SPMIP3: variants seen among roughly 807,000 people sequenced by gnomAD.
SPMIP3 encodes the protein protein SPMIP3.
the SPMIP3 span, among the ~76,000 whole-genome samples, chr1:244,363,575 G>T: frequency 3.9e-5 from 6 of 152,130 alleles, no homozygotes; most frequent in Non-Finnish European, 7.4e-5. Flanking sequence ...GCCCCCAGGA[G>T]GCATCTAGAA....
chr1:244,384,591 G>A, the SPMIP3 span, among the ~76,000 whole-genome samples: 1 of 152,108 alleles, frequency 6.6e-6, no homozygotes, highest in Non-Finnish European at 1.5e-5. Flanking sequence ...GTTAAATCAG[G>A]ATCTCCGTGT....
At chr1:244,364,655 A>G in the SPMIP3 span, 34 of 1,558,318 alleles carry the variant, frequency 2.2e-5, no homozygotes, top group African/African-American at 3.8e-4. Flanking sequence ...ATAAACTGGC[A>G]ATATAATCCT....
chr1:244,368,016 A>G, the SPMIP3 span, among the ~76,000 whole-genome samples: 1 of 152,090 alleles, frequency 6.6e-6, no homozygotes, highest in Non-Finnish European at 1.5e-5. Flanking sequence ...GCTGGAGTGC[A>G]GTGGTATGAT....
chr1:244,384,597 C>T, the SPMIP3 span, among the ~76,000 whole-genome samples: 2 of 152,132 alleles, frequency 1.3e-5, no homozygotes, highest in Non-Finnish European at 2.9e-5. Flanking sequence ...TCAGGATCTC[C>T]GTGTGGGGCG....
the SPMIP3 span, among the ~76,000 whole-genome samples, chr1:244,381,895 C>T: frequency 1.5e-4 from 23 of 152,326 alleles, no homozygotes; most frequent in Non-Finnish European, 2.6e-4. Flanking sequence ...CATGCCACTG[C>T]GCATGACAGT....
the SPMIP3 span, among the ~76,000 whole-genome samples, chr1:244,353,897 G>C: frequency 2.0e-5 from 3 of 152,124 alleles, no homozygotes; most frequent in East Asian, 5.8e-4. Flanking sequence ...GAGGCAGCTA[G>C]TACAGTCACC....
chr1:244,360,898 C>T, the SPMIP3 span, among the ~76,000 whole-genome samples: 1 of 119,018 alleles, frequency 8.4e-6, no homozygotes, highest in Non-Finnish European at 1.8e-5. Context: ...AAAAAAAAAG[C>T]ATTAAATCCT....
chr1:244,353,412 A>AC, the SPMIP3 span, among the ~76,000 whole-genome samples: 1 of 152,172 alleles, frequency 6.6e-6, no homozygotes, highest in Non-Finnish European at 1.5e-5. Flanking sequence ...AACAACAACA[A>AC]AAAACCCAGA....
chr1:244,380,572 A>G, the SPMIP3 span, among the ~76,000 whole-genome samples: 1 of 152,116 alleles, frequency 6.6e-6, no homozygotes. Context: ...CAGTTTATTA[A>G]CTAGCCCCAG....
chr1:244,357,200 G>A, the SPMIP3 span, among the ~76,000 whole-genome samples: 1 of 123,648 alleles, frequency 8.1e-6, no homozygotes, highest in Non-Finnish European at 1.8e-5. Context: ...GAGATGACAG[G>A]CACGAGCCAC....
the SPMIP3 span, among the ~76,000 whole-genome samples, chr1:244,388,085 G>A: frequency 4.0e-4 from 60 of 151,864 alleles, no homozygotes; most frequent in Non-Finnish European, 7.9e-4. Context: ...CTGCCACCAC[G>A]CCCGGCTAAT....
chr1:244,383,802 C>G, the SPMIP3 span, among the ~76,000 whole-genome samples: 14 of 151,916 alleles, frequency 9.2e-5, no homozygotes, highest in African/African-American at 3.4e-4. Context: ...GAGCAGGGTG[C>G]GGTGGAGGGA....
At chr1:244,378,667 T>G in the SPMIP3 span, 1 of 1,596,138 alleles carries the variant, frequency 6.3e-7, no homozygotes, top group Non-Finnish European at 8.6e-7. Flanking sequence ...CTCTTAACTC[T>G]CTGAGATTAA....
At chr1:244,378,045 G>A in the SPMIP3 span, among the ~76,000 whole-genome samples, 1 of 152,050 alleles carries the variant, frequency 6.6e-6, no homozygotes, top group African/African-American at 2.4e-5. Context: ...GAGCTCAAGC[G>A]ATCTGCCCCC....
chr1:244,363,810 G>A, the SPMIP3 span, among the ~76,000 whole-genome samples: 1 of 152,184 alleles, frequency 6.6e-6, no homozygotes, highest in African/African-American at 2.4e-5. Context: ...AGTGCCATAT[G>A]CTCCACAACC....
chr1:244,361,475 C>G, the SPMIP3 span, among the ~76,000 whole-genome samples: 2 of 151,928 alleles, frequency 1.3e-5, no homozygotes, highest in Non-Finnish European at 2.9e-5. Flanking sequence ...GTCATCTGCC[C>G]ACCTCGGCCT....
the SPMIP3 span, among the ~76,000 whole-genome samples, chr1:244,381,916 G>C: frequency 2.6e-5 from 4 of 152,316 alleles, no homozygotes; most frequent in South Asian, 6.2e-4. Flanking sequence ...GACAGAGCAA[G>C]ACTCCGTCTC....
At chr1:244,361,217 T>A in the SPMIP3 span, among the ~76,000 whole-genome samples, 1 of 115,158 alleles carries the variant, frequency 8.7e-6, no homozygotes. Flanking sequence ...ATCGTACATT[T>A]CTTTTTTTTC....
the SPMIP3 span, among the ~76,000 whole-genome samples, chr1:244,377,861 C>G: frequency 6.6e-5 from 10 of 151,976 alleles, no homozygotes; most frequent in Non-Finnish European, 1.3e-4. Context: ...GCTCTGTCAC[C>G]CAGGCTCAGT....
Sources: gnomAD v4.1 joint callset for allele counts (sites outside exome capture counted in the v4.1 genomes callset) on GRCh38, gnomAD v4.1.1 for gene constraint, MANE v1.5 for transcripts, NCBI Gene and HGNC (gene_info 2026-07-23, HGNC 2026-07-21) for gene names.